Variants in PDE10A observed in about 807,000 individuals in gnomAD.
PDE10A encodes phosphodiesterase 10A.
PDE10A carries 39 observed loss-of-function variants against 97.7 expected under a neutral mutation model. That is an observed-to-expected ratio of 0.40 (90% confidence interval 0.31 to 0.52). The LOEUF is 0.52. Among genes scored for constraint, PDE10A ranks in the 20% least tolerant of loss-of-function variants. The probability of loss-of-function intolerance (pLI) is 0.56; values close to 1 mark genes in which losing one functional copy is unlikely to be tolerated. For synonymous variants in PDE10A, 371 were observed against 376.8 expected (o/e 0.98, Z 0.18); for missense variants, 731 against 1,047.8 (o/e 0.70, Z 4.17).
At chr6:165,941,104 A>G (rs1783502389) in intron 1 of PDE10A, among the ~76,000 whole-genome samples, 1 of 152,122 alleles carries the variant, frequency 6.6e-6, no homozygotes, top group Non-Finnish European at 1.5e-5. Flanking sequence ...CACACTTGGT[A>G]CTCTGACCTT....
intron 1 of PDE10A, among the ~76,000 whole-genome samples, chr6:165,743,455 G>A (rs1017203687): frequency 1.3e-5 from 2 of 152,134 alleles, no homozygotes; most frequent in African/African-American, 2.4e-5. Context: ...GCAGTTCTCA[G>A]GCATGCCTTC....
At chr6:165,897,905 C>T (rs1427647246) in intron 1 of PDE10A, among the ~76,000 whole-genome samples, 1 of 152,080 alleles carries the variant, frequency 6.6e-6, no homozygotes, top group Non-Finnish European at 1.5e-5. Context: ...TCTTCCTTAA[C>T]TCCTACCTCT....
chr6:165,619,449 C>A (rs372037815), intron 1 of PDE10A, among the ~76,000 whole-genome samples: 1 of 16,398 alleles, frequency 6.1e-5, no homozygotes. Context: ...GTAGTATAGT[C>A]TAGTGTAGTG....
intron 1 of PDE10A, among the ~76,000 whole-genome samples, chr6:165,818,830 G>GTA (rs1189879567): frequency 2.0e-5 from 3 of 152,206 alleles, no homozygotes; most frequent in Admixed American, 2.0e-4. Context: ...AGATAGAAGA[G>GTA]TATTAAACCC....
intron 1 of PDE10A, among the ~76,000 whole-genome samples, chr6:165,962,925 G>C (rs1784401688): frequency 6.6e-6 from 1 of 152,172 alleles, no homozygotes; most frequent in Non-Finnish European, 1.5e-5. Context: ...ATTGAACCTA[G>C]TTATTTTATG....
intron 9 of PDE10A, among the ~76,000 whole-genome samples, chr6:165,429,955 C>A (rs1789436808): frequency 6.6e-6 from 1 of 151,930 alleles, no homozygotes; most frequent in Non-Finnish European, 1.5e-5. Context: ...AGAAAATAAA[C>A]CAGAATATTT....
chr6:165,741,951 A>G (rs1792736575), intron 1 of PDE10A, among the ~76,000 whole-genome samples: 1 of 152,244 alleles, frequency 6.6e-6, no homozygotes, highest in South Asian at 2.1e-4. Context: ...AGTAAAATGC[A>G]TAATGCAATT....
intron 1 of PDE10A, among the ~76,000 whole-genome samples, chr6:165,778,086 A>G (rs1467237573): frequency 6.6e-6 from 1 of 150,816 alleles, no homozygotes; most frequent in Non-Finnish European, 1.5e-5. Context: ...TTTTATTATT[A>G]TTTTTTGAGA....
intron 1 of PDE10A, among the ~76,000 whole-genome samples, chr6:165,556,717 G>A (rs936372067): frequency 1.4e-4 from 21 of 152,088 alleles, no homozygotes; most frequent in Non-Finnish European, 2.6e-4. Context: ...CAAGCATATC[G>A]GCTATGAAAG....
At chr6:165,392,567 A>G in intron 16 of PDE10A, 79 bp downstream of exon 16, 1 of 1,356,542 alleles carries the variant, frequency 7.4e-7, no homozygotes, top group African/African-American at 1.4e-5. Flanking sequence ...TCACAAATCC[A>G]TGTCATCAAT....
chr6:165,636,236 C>T (rs908124726), intron 1 of PDE10A, among the ~76,000 whole-genome samples: 3 of 152,166 alleles, frequency 2.0e-5, no homozygotes, highest in African/African-American at 7.2e-5. Flanking sequence ...CACCTCAACA[C>T]ACTTTATCCC....
intron 1 of PDE10A, among the ~76,000 whole-genome samples, chr6:165,794,022 G>C (rs1562739631): frequency 6.6e-6 from 1 of 152,206 alleles, no homozygotes; most frequent in East Asian, 1.9e-4. Flanking sequence ...AAAGCTAGTA[G>C]CAAGCAAAGA....
chr6:165,521,853 C>T (rs2128308533), intron 2 of PDE10A, among the ~76,000 whole-genome samples: 1 of 152,254 alleles, frequency 6.6e-6, no homozygotes, highest in South Asian at 2.1e-4. Context: ...AAAGATGATT[C>T]ACGAAGGTAG....
At chr6:165,762,887 G>A (rs995354462) in intron 1 of PDE10A, among the ~76,000 whole-genome samples, 3 of 150,552 alleles carry the variant, frequency 2.0e-5, no homozygotes, top group Non-Finnish European at 4.4e-5. Context: ...CCAAACACAC[G>A]TGCACACACA....
chr6:165,344,260 T>G (rs987629186), intron 18 of PDE10A, among the ~76,000 whole-genome samples: 4 of 152,170 alleles, frequency 2.6e-5, no homozygotes, highest in Non-Finnish European at 5.9e-5. Context: ...TTTGAATAGA[T>G]TTGGTCTTGT....
chr6:165,825,145 C>CAG (rs1779694669), intron 1 of PDE10A, among the ~76,000 whole-genome samples: 1 of 50,916 alleles, frequency 2.0e-5, no homozygotes, highest in Non-Finnish European at 4.0e-5. Context: ...GACTCCATCT[C>CAG]AAAAAAAAAA....
intron 1 of PDE10A, among the ~76,000 whole-genome samples, chr6:165,794,139 A>C (rs1037449507): frequency 1.3e-5 from 2 of 151,460 alleles, no homozygotes; most frequent in African/African-American, 4.9e-5. Context: ...ACACGCTCAC[A>C]CTCACTCACA....
rs1781202474 is a variant in PDE10A, at chr6:165,329,094, AAAT to A, written c.*3928_*3930del. The A allele has an allele frequency of 6.6e-6, 1 of 152,230 alleles. No individual in the cohort carries two copies. Among genetic ancestry groups the A allele is most frequent in the Admixed American group, 6.5e-5 (1 of 15,276 alleles). The allele number at this position is 152,230 out of a possible 1,614,324, so 9.4% of individuals were successfully genotyped here. A position where few individuals can be genotyped will look rare whatever the true frequency, so the allele number is the denominator to read the frequency against. The stretch of plus-strand genomic sequence containing the variant: ...TATAGTCTTTAAAGAATTAAATCCT[AAAT>A]AAAATCTGCAAAGTGTAGAAAGCAA... On this transcript the variant is annotated 3_prime_UTR_variant, in exon 22 of 22. Transcript: ENST00000539869.
rs566268157 is a variant in PDE10A at position 165,655,125 on chromosome 6, A to G, written c.865+6822T>C. Among the ~76,000 whole-genome samples the G allele has an allele frequency of 6.6e-5, 10 of 152,250 alleles. No homozygotes were observed. In the South Asian group the frequency reaches 2.1e-3, roughly 32 times the overall value. Reference sequence around the variant, plus strand: ...AACTTCAGCCAGGCACTTACATTGCACCCAGCTATGGTTGATTAACCAACT... The same window carrying G: ...AACTTCAGCCAGGCACTTACATTGCGCCCAGCTATGGTTGATTAACCAACT... On this transcript the variant is annotated intron_variant, in intron 1 of 21. Coordinates refer to ENST00000539869, the MANE Select transcript of PDE10A (RefSeq NM_001385079.1). The surrounding 1 kb of genome is among the most constrained non-coding windows in gnomAD (Gnocchi z 4.5).
Sources: allele counts gnomAD v4.1 joint callset (sites outside exome capture counted in the v4.1 genomes callset), GRCh38; gene constraint gnomAD v4.1.1; non-coding constraint Gnocchi (gnomAD v3.1); transcripts MANE v1.5; gene names NCBI Gene and HGNC (gene_info 2026-07-23, HGNC 2026-07-21).